The following LZTS2 variants were observed in gnomAD, a reference collection of about 807,000 sequenced individuals.
LZTS2 encodes the protein leucine zipper putative tumor suppressor 2.
A neutral mutation model predicts 60.6 loss-of-function variants in LZTS2; 32 were observed. That is an observed-to-expected ratio of 0.53 (90% CI 0.40 to 0.71). The LOEUF is 0.71. Ranked by LOEUF, LZTS2 falls within the 30% of genes least tolerant of loss-of-function variation. The probability of loss-of-function intolerance (pLI) is 0.00; values close to 1 mark genes in which losing one functional copy is unlikely to be tolerated. For synonymous variants in LZTS2, 360 were observed against 393.1 expected, an observed-to-expected ratio of 0.92 and a Z score of 1.00; for missense variants, 792 against 901.9, an observed-to-expected ratio of 0.88 and a Z score of 1.56.
chr10:101,005,511 G>T, exon 3 of LZTS2: 1 of 1,593,754 alleles, frequency 6.3e-7, no homozygotes. Flanking sequence ...CCCTGCGAGA[G>T]GACTGTGCGG....
exon 1 of LZTS2, chr10:101,002,719 G>A (rs1852067925): frequency 6.2e-7 from 1 of 1,611,766 alleles, no homozygotes; most frequent in South Asian, 1.1e-5. Flanking sequence ...CCAGCAGGAT[G>A]GCCTGCTACG....
chr10:101,007,725 C>T (rs1852261274), exon 4 of LZTS2: 1 of 909,042 alleles, frequency 1.1e-6, no homozygotes, highest in South Asian at 3.2e-5. Flanking sequence ...CAAGCAGCCT[C>T]TCCCTTCACC....
chr10:101,002,983 C>T (rs537654045), intron 1 of LZTS2, 37 bp downstream of exon 2: 86 of 1,556,588 alleles, frequency 5.5e-5, no homozygotes, highest in Non-Finnish European at 6.7e-5. Flanking sequence ...CTGGGTAGAA[C>T]GGGAGTCCTC....
intron 1 of LZTS2, chr10:101,003,304 G>T: frequency 1.8e-6 from 1 of 550,946 alleles, no homozygotes; most frequent in Non-Finnish European, 3.1e-6. Flanking sequence ...GTAATATGGG[G>T]ATAGTGATCA....
exon 4 of LZTS2, chr10:101,006,580 G>A: frequency 6.2e-7 from 1 of 1,610,364 alleles, no homozygotes; most frequent in Non-Finnish European, 8.5e-7. Flanking sequence ...TGGTGGCTCT[G>A]CGGGTGGCGC....
rs374371888 is a variant in LZTS2 at position 101,005,542 on chromosome 10, C to T, written c.1153C>T (p.Arg385Trp). ...TGCGGCCCAGGCACAGCGGGCACAG[C>T]GGGCCCAACAGCTGCTGCAGCTGCA... The change falls in exon 3 of 4, where the codon CGG becomes TGG. Residue 385 changes from arginine to tryptophan, a missense_variant. Coordinates refer to ENST00000370220, the Ensembl canonical transcript of LZTS2. 298 of 1,608,008 alleles carry T rather than the reference C, an allele frequency of 1.9e-4. No homozygotes were observed. The highest frequency in any genetic ancestry group is 2.4e-4 in the Non-Finnish European group (282 of 1,178,934).
At chr10:101,006,899 G>A in exon 4 of LZTS2, 1 of 1,533,494 alleles carries the variant, frequency 6.5e-7, no homozygotes, top group Non-Finnish European at 8.8e-7. Context: ...ATTGCGGGTG[G>A]AGCTGCAGCG....
chr10:101,007,300 C>G, exon 4 of LZTS2: 1 of 1,422,384 alleles, frequency 7.0e-7, no homozygotes, highest in Non-Finnish European at 9.2e-7. Flanking sequence ...AGGATCCAGG[C>G]CTCTGGGCTT....
At position 101,005,399 on chromosome 10, in the gene LZTS2, A is replaced by G. The variant is rs1352363239; in HGVS notation, c.1069-59A>G. The G allele has an allele frequency of 2.7e-6, 4 of 1,496,506 alleles. No individual in the cohort carries two copies. The East Asian group carries it at 9.2e-5, about 34-fold the overall frequency. The allele number at this position is 1,496,506 out of a possible 1,614,324, so 92.7% of individuals were successfully genotyped here. On this transcript the variant is annotated intron_variant, in intron 2 of 3. Transcript: ENST00000370220. The stretch of plus-strand genomic sequence containing the variant: ...CCTCGGAAGTGGGCTGCCAGAGCAG[A>G]CACTGAGTGGGGAGTTGGGAAAACT...
exon 1 of LZTS2, chr10:101,000,362 C>G (rs1035571679): frequency 2.0e-5 from 3 of 152,292 alleles, no homozygotes; most frequent in African/African-American, 7.2e-5. Context: ...CCACTTGCCC[C>G]TCCTTCTCTT....
chr10:100,998,663 T>C (rs1377138343), upstream of LZTS2: 1 of 151,830 alleles, frequency 6.6e-6, no homozygotes, highest in Admixed American at 6.6e-5. Flanking sequence ...CCGAGACCCC[T>C]AGGGGAAAGG....
upstream of LZTS2, among the ~76,000 whole-genome samples, chr10:100,998,162 C>A (rs60321259): frequency 4.6e-5 from 7 of 152,092 alleles, no homozygotes; most frequent in Non-Finnish European, 2.9e-5. Context: ...GCCTGCCCCC[C>A]TAGAAAAAGG....
exon 4 of LZTS2, chr10:101,007,202 C>T (rs2133987188): frequency 1.3e-6 from 2 of 1,509,084 alleles, no homozygotes; most frequent in Non-Finnish European, 8.8e-7. Context: ...GGGAGCTCTG[C>T]CAGAGGGGCA....
chr10:101,005,601 G>T, exon 3 of LZTS2: 1 of 1,611,526 alleles, frequency 6.2e-7, no homozygotes. Flanking sequence ...AGCGGCAATT[G>T]CAGGACGACT....
At chr10:101,007,074 G>C (rs1224758136) in exon 4 of LZTS2, 1 of 1,608,184 alleles carries the variant, frequency 6.2e-7, no homozygotes, top group Admixed American at 1.7e-5. Flanking sequence ...CAGCAGCTCA[G>C]CCTGGAGCTG....
At chr10:101,002,771 C>G (rs1189868017) in exon 1 of LZTS2, 3 of 1,613,244 alleles carry the variant, frequency 1.9e-6, no homozygotes, top group Non-Finnish European at 2.5e-6. Flanking sequence ...CCAGCTGTGC[C>G]CCCTAGGAAG....
chr10:100,998,948 T>C (rs1851968375), upstream of LZTS2: 1 of 152,436 alleles, frequency 6.6e-6, no homozygotes, highest in African/African-American at 2.4e-5. Flanking sequence ...AAAGGTCTTG[T>C]GGGTGTTAGG....
At chr10:101,007,335 A>G (rs940108775) in exon 4 of LZTS2, 3 of 1,416,978 alleles carry the variant, frequency 2.1e-6, no homozygotes, top group Admixed American at 3.0e-5. Flanking sequence ...GGGTGGCCCT[A>G]TGACTTGGAG....
exon 4 of LZTS2, chr10:101,007,114 G>C (rs1480767952): frequency 6.2e-7 from 1 of 1,610,070 alleles, no homozygotes; most frequent in Admixed American, 1.7e-5. Context: ...ACCTGGGCCT[G>C]GCCGAGCAGG....
Sources: gnomAD v4.1 joint callset for allele counts (sites outside exome capture counted in the v4.1 genomes callset) on GRCh38, gnomAD v4.1.1 for gene constraint, MANE v1.5 for transcripts, NCBI Gene and HGNC (gene_info 2026-07-23, HGNC 2026-07-21) for gene names.